The following TLR6 variants were observed in gnomAD, a reference collection of about 807,000 sequenced individuals.
TLR6 encodes toll like receptor 6, also known as toll-like receptor 6.
A neutral mutation model predicts 16.1 loss-of-function variants in TLR6; 9 were observed. The observed-to-expected ratio is 0.56, with a 90% confidence interval of 0.34 to 0.98. The LOEUF (loss-of-function observed/expected upper bound fraction) is 0.98, where lower values mean the gene tolerates loss of function less well. Among genes scored for constraint, TLR6 ranks in the 50% least tolerant of loss-of-function variants. The pLI is 0.02. For missense variants in TLR6, 786 were observed against 921.0 expected (o/e 0.85, Z 1.90); for synonymous variants, 340 against 338.6 (o/e 1.00, Z -0.04).
chr4:38,846,059 T>C (rs1369873038), intron 1 of TLR6, among the ~76,000 whole-genome samples: 1 of 135,768 alleles, frequency 7.4e-6, no homozygotes, highest in East Asian at 2.1e-4. Context: ...GCCGCTGTAC[T>C]CCAGGCTGGG....
chr4:38,865,170 T>C, the TLR6 span, among the ~76,000 whole-genome samples: 3 of 152,304 alleles, frequency 2.0e-5, no homozygotes, highest in African/African-American at 4.8e-5. Context: ...CTGCAAAAAA[T>C]TTTGTTAAAT....
At chr4:38,855,940 T>C (rs1285108410) in intron 1 of TLR6, among the ~76,000 whole-genome samples, 4 of 151,262 alleles carry the variant, frequency 2.6e-5, no homozygotes, top group Admixed American at 6.6e-5. Context: ...TGAAATAAGC[T>C]ACATTTCAGA....
intron 1 of TLR6, among the ~76,000 whole-genome samples, chr4:38,854,424 G>A (rs1712887036): frequency 6.6e-6 from 1 of 152,062 alleles, no homozygotes; most frequent in African/African-American, 2.4e-5. Flanking sequence ...TTTAGAAATA[G>A]GTTTCCAGAA....
intron 1 of TLR6, among the ~76,000 whole-genome samples, chr4:38,848,803 T>C (rs1446077541): frequency 1.3e-5 from 2 of 152,212 alleles, no homozygotes; most frequent in Non-Finnish European, 2.9e-5. Flanking sequence ...CTATGTCTGA[T>C]TGGTGTGCCT....
chr4:38,832,030 A>C (rs79813467), intron 1 of TLR6, among the ~76,000 whole-genome samples: 4,619 of 152,326 alleles, frequency 0.03, 231 homozygotes, highest in African/African-American at 0.11. Flanking sequence ...ATTTATGTCC[A>C]CATAAAAGCC....
chr4:38,828,305 T>C, exon 2 of TLR6: 1 of 1,613,580 alleles, frequency 6.2e-7, no homozygotes, highest in Non-Finnish European at 8.5e-7. Flanking sequence ...GAAAAGGTCT[T>C]TTAATCCATT....
upstream of TLR6, among the ~76,000 whole-genome samples, chr4:38,858,625 C>T (rs142260579): frequency 3.9e-3 from 590 of 151,892 alleles, 1 homozygote; most frequent in South Asian, 5.8e-3. Context: ...GAGGCTGAAG[C>T]AGGAGAATCA....
intron 1 of TLR6, among the ~76,000 whole-genome samples, chr4:38,852,562 T>C (rs74782366): frequency 0.15 from 22,287 of 152,022 alleles, 2,180 homozygotes; most frequent in Middle Eastern, 0.38. Context: ...CATCAAAAAG[T>C]GGGCGAAGGA....
intron 1 of TLR6, among the ~76,000 whole-genome samples, chr4:38,840,494 C>T (rs977018622): frequency 2.0e-5 from 3 of 151,788 alleles, no homozygotes; most frequent in Admixed American, 6.6e-5. Flanking sequence ...ATTAGCTGGG[C>T]GTGGTGGTGG....
chr4:38,862,254 T>G, the TLR6 span, among the ~76,000 whole-genome samples: 12 of 152,030 alleles, frequency 7.9e-5, no homozygotes, highest in African/African-American at 2.9e-4. Flanking sequence ...TATCAACATT[T>G]TTCTGCTCTG....
chr4:38,867,495 C>T, the TLR6 span, among the ~76,000 whole-genome samples: 1 of 152,190 alleles, frequency 6.6e-6, no homozygotes, highest in Non-Finnish European at 1.5e-5. Context: ...TTCCCAGTGA[C>T]ACGGCGGGGG....
intron 1 of TLR6, among the ~76,000 whole-genome samples, chr4:38,846,622 A>G (rs2109461407): frequency 6.6e-6 from 1 of 152,348 alleles, no homozygotes; most frequent in South Asian, 2.1e-4. Flanking sequence ...CTAAAATAAT[A>G]AAATACAAGA....
chr4:38,842,289 A>G (rs985264271), intron 1 of TLR6, among the ~76,000 whole-genome samples: 5 of 152,194 alleles, frequency 3.3e-5, no homozygotes, highest in Non-Finnish European at 7.3e-5. Context: ...GAATGAGGCT[A>G]TATTTATATC....
At chr4:38,832,571 TACCCTGAG>T (rs1282327578) in intron 1 of TLR6, among the ~76,000 whole-genome samples, 1 of 152,098 alleles carries the variant, frequency 6.6e-6, no homozygotes, top group Non-Finnish European at 1.5e-5. Flanking sequence ...ACATACCCCA[TACCCTGAG>T]ACCCAAACAG....
chr4:38,851,406 G>T (rs1161253681), intron 1 of TLR6, among the ~76,000 whole-genome samples: 1 of 152,174 alleles, frequency 6.6e-6, no homozygotes, highest in Non-Finnish European at 1.5e-5. Context: ...GCAAAAGAAA[G>T]AAATAAAGGG....
At chr4:38,866,036 G>T in the TLR6 span, among the ~76,000 whole-genome samples, 2 of 151,730 alleles carry the variant, frequency 1.3e-5, no homozygotes, top group Non-Finnish European at 2.9e-5. Flanking sequence ...CTACTCAAGA[G>T]GCTGAGGCAG....
At chr4:38,859,042 C>T (rs1713136950), upstream of TLR6, among the ~76,000 whole-genome samples, 1 of 152,174 alleles carries the variant, frequency 6.6e-6, no homozygotes, top group African/African-American at 2.4e-5. Flanking sequence ...CATTAAGGTG[C>T]TGTGAGATAA....
chr4:38,843,984 CAACTAG>C (rs1378263539), intron 1 of TLR6, among the ~76,000 whole-genome samples: 1 of 152,196 alleles, frequency 6.6e-6, no homozygotes, highest in East Asian at 1.9e-4. Flanking sequence ...GGATGAGTTC[CAACTAG>C]TACTTAATGA....
At chr4:38,840,467 A>C (rs1195939194) in intron 1 of TLR6, among the ~76,000 whole-genome samples, 1 of 151,916 alleles carries the variant, frequency 6.6e-6, no homozygotes, top group African/African-American at 2.4e-5. Context: ...CCCCGTCTCT[A>C]CTAAAAAAAT....
Sources: allele counts gnomAD v4.1 joint callset (sites outside exome capture counted in the v4.1 genomes callset), GRCh38; gene constraint gnomAD v4.1.1; transcripts MANE v1.5; gene names NCBI Gene and HGNC (gene_info 2026-07-23, HGNC 2026-07-21).